Variants in DNAJC1 observed in about 807,000 individuals in gnomAD.
DNAJC1 encodes DnaJ heat shock protein family (Hsp40) member C1, also known as dnaJ homolog subfamily C member 1.
Under a neutral mutation model 76.6 loss-of-function variants are expected in DNAJC1, and 58 were observed. The ratio of observed to expected loss-of-function variants is 0.76; its 90% CI spans 0.61 to 0.94. The LOEUF is 0.94. Among genes scored for constraint, DNAJC1 ranks in the 40% least tolerant of loss-of-function variants. The pLI is 0.00. For synonymous variants in DNAJC1, 258 were observed against 267.9 expected, an observed-to-expected ratio of 0.96 and a Z score of 0.36; for missense variants, 689 against 677.3, an observed-to-expected ratio of 1.02 and a Z score of -0.19.
chr10:21,968,248 T>A (rs1837922095), intron 1 of DNAJC1, among the ~76,000 whole-genome samples: 2 of 152,212 alleles, frequency 1.3e-5, no homozygotes, highest in Admixed American at 1.3e-4. Context: ...TACACTGCTA[T>A]AAAGCCTAAT....
intron 1 of DNAJC1, among the ~76,000 whole-genome samples, chr10:21,961,102 T>C (rs1202264538): frequency 6.6e-6 from 1 of 152,240 alleles, no homozygotes; most frequent in African/African-American, 2.4e-5. Context: ...TGTGGAGAAA[T>C]TTGAGCCTTT....
chr10:21,813,610 G>T (rs751497012), intron 8 of DNAJC1, among the ~76,000 whole-genome samples: 3 of 152,058 alleles, frequency 2.0e-5, no homozygotes, highest in African/African-American at 7.2e-5. Context: ...TGTTAGCCAG[G>T]ATGGTCTCGA....
At chr10:21,912,002 T>C (rs929428118) in intron 6 of DNAJC1, among the ~76,000 whole-genome samples, 1 of 152,186 alleles carries the variant, frequency 6.6e-6, no homozygotes, top group Non-Finnish European at 1.5e-5. Flanking sequence ...ATTTGCAACT[T>C]AGGGTATTTT....
intron 8 of DNAJC1, among the ~76,000 whole-genome samples, chr10:21,867,745 T>C (rs1231028525): frequency 1.3e-5 from 2 of 152,052 alleles, no homozygotes; most frequent in Non-Finnish European, 2.9e-5. Context: ...ACCAGTATTA[T>C]GACAGTTTCA....
At chr10:21,837,585 CCT>C (rs1835485358) in intron 8 of DNAJC1, among the ~76,000 whole-genome samples, 1 of 151,200 alleles carries the variant, frequency 6.6e-6, no homozygotes. Context: ...AGGTGAGGAG[CCT>C]CTCTGCCCGG....
chr10:21,874,241 T>G (rs529344625), intron 8 of DNAJC1, among the ~76,000 whole-genome samples: 20 of 152,108 alleles, frequency 1.3e-4, no homozygotes, highest in Admixed American at 3.9e-4. Flanking sequence ...CATAGTGAGA[T>G]GCCGTCCAAA....
At chr10:21,959,678 C>T (rs551747999) in intron 1 of DNAJC1, among the ~76,000 whole-genome samples, 36 of 150,962 alleles carry the variant, frequency 2.4e-4, no homozygotes, top group African/African-American at 8.0e-4. Context: ...CCCAGCTACC[C>T]GGGAGGCCAA....
intron 8 of DNAJC1, among the ~76,000 whole-genome samples, chr10:21,872,073 C>G (rs1187509378): frequency 7.5e-6 from 1 of 133,046 alleles, no homozygotes; most frequent in Admixed American, 7.6e-5. Flanking sequence ...GTTAAATCAT[C>G]TTTTTTTTTT....
chr10:21,812,505 T>C (rs1301060928), intron 8 of DNAJC1, among the ~76,000 whole-genome samples: 3 of 152,190 alleles, frequency 2.0e-5, no homozygotes, highest in Non-Finnish European at 4.4e-5. Flanking sequence ...TACTAGATCT[T>C]TGTCAGATAT....
intron 8 of DNAJC1, among the ~76,000 whole-genome samples, chr10:21,817,275 G>A (rs1273053126): frequency 6.7e-6 from 1 of 149,826 alleles, no homozygotes; most frequent in African/African-American, 2.5e-5. Flanking sequence ...GCTAAAATTT[G>A]TTTAAGATGC....
rs1837478655 is a variant in DNAJC1 at position 21,944,874 on chromosome 10, A to G, written c.223-15733T>C. ...GACAACTTGTGAGTAACAGACTTGC[A>G]TAAGCAAGGATACTGATAACATCTG... On this transcript the variant is annotated intron_variant, in intron 1 of 11. Transcript: ENST00000376980. Among the ~76,000 whole-genome samples, 6 of 152,236 alleles carry G rather than the reference A, an allele frequency of 3.9e-5. No homozygotes were observed. In the South Asian group the frequency reaches 1.2e-3, roughly 31 times the overall value.
At chr10:21,955,984 T>C (rs906655804) in intron 1 of DNAJC1, among the ~76,000 whole-genome samples, 3 of 152,264 alleles carry the variant, frequency 2.0e-5, no homozygotes, top group Admixed American at 2.0e-4. Flanking sequence ...ATTCTTTTCA[T>C]GTCAGTATAT....
chr10:21,944,189 A>G (rs1352816055), intron 1 of DNAJC1, among the ~76,000 whole-genome samples: 1 of 148,474 alleles, frequency 6.7e-6, no homozygotes, highest in African/African-American at 2.5e-5. Flanking sequence ...TTTTCATATT[A>G]TCCTCCAATT....
At chr10:21,932,975 G>A (rs1429008567) in intron 1 of DNAJC1, among the ~76,000 whole-genome samples, 2 of 152,014 alleles carry the variant, frequency 1.3e-5, no homozygotes, top group Non-Finnish European at 1.5e-5. Context: ...ATAATAAATT[G>A]TTTCTATAAG....
intron 8 of DNAJC1, among the ~76,000 whole-genome samples, chr10:21,843,437 A>T (rs899708184): frequency 1.0e-4 from 14 of 135,592 alleles, no homozygotes; most frequent in Non-Finnish European, 2.0e-4. Flanking sequence ...TCTGTCGCCC[A>T]GGCTGGAGTG....
intron 6 of DNAJC1, among the ~76,000 whole-genome samples, chr10:21,909,209 A>G (rs1267366501): frequency 6.6e-6 from 1 of 152,190 alleles, no homozygotes; most frequent in Non-Finnish European, 1.5e-5. Context: ...TTTCCTGAAG[A>G]GCTCAAAACC....
At chr10:21,923,228 A>AATGAACT (rs1391771084) in intron 3 of DNAJC1, among the ~76,000 whole-genome samples, 1 of 151,976 alleles carries the variant, frequency 6.6e-6, no homozygotes, top group African/African-American at 2.4e-5. Context: ...TTTTACTATC[A>AATGAACT]ATGAACTATA....
intron 8 of DNAJC1, among the ~76,000 whole-genome samples, chr10:21,877,062 C>T (rs1836198914): frequency 6.6e-6 from 1 of 151,936 alleles, no homozygotes; most frequent in South Asian, 2.1e-4. Context: ...ATCACTTAAG[C>T]CCAGGAGGTT....
intron 1 of DNAJC1, among the ~76,000 whole-genome samples, chr10:21,984,142 T>C (rs1473776599): frequency 6.6e-6 from 1 of 152,192 alleles, no homozygotes; most frequent in Non-Finnish European, 1.5e-5. Context: ...TAAATTTACT[T>C]TTTCTTTGCT....
Sources: gnomAD v4.1 joint callset for allele counts (sites outside exome capture counted in the v4.1 genomes callset) on GRCh38, gnomAD v4.1.1 for gene constraint, MANE v1.5 for transcripts, NCBI Gene and HGNC (gene_info 2026-07-23, HGNC 2026-07-21) for gene names.